The following IQCM variants were observed in gnomAD, a reference collection of about 807,000 sequenced individuals.
The protein encoded by IQCM is IQ motif containing M.
A neutral mutation model predicts 57.6 loss-of-function variants in IQCM; 45 were observed. The observed-to-expected ratio is 0.78, with a 90% CI of 0.62 to 1.00. The LOEUF is 1.00. Among genes scored for constraint, IQCM ranks in the 50% least tolerant of loss-of-function variants. The probability of loss-of-function intolerance (pLI) is 0.00; values close to 1 mark genes in which losing one functional copy is unlikely to be tolerated. For synonymous variants in IQCM, 148 were observed against 158.9 expected (o/e 0.93, Z 0.51); for missense variants, 468 against 511.6 (o/e 0.91, Z 0.82).
At chr4:149,421,221 G>A (rs1284142387) in intron 13 of IQCM, among the ~76,000 whole-genome samples, 3 of 151,982 alleles carry the variant, frequency 2.0e-5, no homozygotes, top group African/African-American at 4.8e-5. Flanking sequence ...ACACTTTAGA[G>A]TATTCGTTAA....
At chr4:149,708,768 A>G (rs192393757) in intron 5 of IQCM, among the ~76,000 whole-genome samples, 1 of 152,018 alleles carries the variant, frequency 6.6e-6, no homozygotes, top group Non-Finnish European at 1.5e-5. Flanking sequence ...TATTTTTTCT[A>G]TGCCTAAAAC....
chr4:149,785,515 A>G (rs1303135957), intron 2 of IQCM, among the ~76,000 whole-genome samples: 1 of 152,190 alleles, frequency 6.6e-6, no homozygotes, highest in Non-Finnish European at 1.5e-5. Context: ...ACTTTGACAA[A>G]GAAAAATAAT....
intron 12 of IQCM, among the ~76,000 whole-genome samples, chr4:149,470,118 T>C (rs1271451420): frequency 6.6e-6 from 1 of 152,126 alleles, no homozygotes; most frequent in African/African-American, 2.4e-5. Flanking sequence ...AATTCACACA[T>C]AGCAATATTA....
intron 12 of IQCM, among the ~76,000 whole-genome samples, chr4:149,481,706 T>TG (rs1385339165): frequency 7.5e-6 from 1 of 133,370 alleles, no homozygotes; most frequent in Non-Finnish European, 1.6e-5. Context: ...GTTTTGTTTT[T>TG]TTTTTTTTTT....
intron 2 of IQCM, among the ~76,000 whole-genome samples, chr4:149,763,641 T>C (rs1394843): frequency 0.32 from 49,160 of 151,986 alleles, 9,718 homozygotes; most frequent in African/African-American, 0.53. Flanking sequence ...TACAGATAAT[T>C]TCAATTTCTT....
chr4:149,558,677 T>C (rs1276301186), intron 10 of IQCM, among the ~76,000 whole-genome samples: 2 of 152,140 alleles, frequency 1.3e-5, no homozygotes, highest in African/African-American at 4.8e-5. Flanking sequence ...AGCAGAGACC[T>C]GAATGAAGTA....
At chr4:149,590,982 T>C (rs1753104529) in intron 8 of IQCM, among the ~76,000 whole-genome samples, 1 of 152,038 alleles carries the variant, frequency 6.6e-6, no homozygotes, top group South Asian at 2.1e-4. Flanking sequence ...CCCAGGCCAA[T>C]GCATTTGGAG....
chr4:149,806,378 T>C (rs1774081131), intron 2 of IQCM, among the ~76,000 whole-genome samples: 1 of 152,020 alleles, frequency 6.6e-6, no homozygotes, highest in African/African-American at 2.4e-5. Flanking sequence ...CAATAACTTG[T>C]TGCTAACTCT....
chr4:149,576,066 G>C (rs1375790283), intron 9 of IQCM, among the ~76,000 whole-genome samples: 1 of 151,766 alleles, frequency 6.6e-6, no homozygotes, highest in Non-Finnish European at 1.5e-5. Flanking sequence ...AAATTAAGTT[G>C]AAACTATCAT....
At chr4:149,815,410 T>C (rs1432439846) in intron 1 of IQCM, 62 bp from the exon 2 acceptor site, 1 of 151,918 alleles carries the variant, frequency 6.6e-6, no homozygotes, top group African/African-American at 2.4e-5. Context: ...AAAAACATTG[T>C]CAACCATATA....
intron 2 of IQCM, among the ~76,000 whole-genome samples, chr4:149,751,013 A>C (rs950488996): frequency 1.3e-5 from 2 of 152,182 alleles, no homozygotes; most frequent in Non-Finnish European, 2.9e-5. Flanking sequence ...AAACTAGCTA[A>C]TATTTACAAG....
chr4:149,650,803 A>C (rs1291134776), intron 7 of IQCM, among the ~76,000 whole-genome samples: 1 of 152,176 alleles, frequency 6.6e-6, no homozygotes, highest in Non-Finnish European at 1.5e-5. Context: ...ACTACCATTT[A>C]ACATAAAAGT....
chr4:149,393,184 T>A (rs531017958), intron 13 of IQCM, among the ~76,000 whole-genome samples: 17 of 151,954 alleles, frequency 1.1e-4, no homozygotes, highest in African/African-American at 3.9e-4. Flanking sequence ...AAAAAATATA[T>A]ACGCATATAT....
At chr4:149,803,597 C>T (rs764915880) in intron 2 of IQCM, among the ~76,000 whole-genome samples, 4 of 152,046 alleles carry the variant, frequency 2.6e-5, no homozygotes, top group African/African-American at 4.8e-5. Flanking sequence ...GTGTGCTTTT[C>T]GCCTTCTAGA....
At chr4:149,648,781 C>G (rs112809407) in intron 7 of IQCM, among the ~76,000 whole-genome samples, 32,245 of 151,908 alleles carry the variant, frequency 0.21, 4,257 homozygotes, top group Non-Finnish European at 0.28. Context: ...ATAGCATTAG[C>G]AGATATACCT....
rs534076717 is a variant in IQCM at position 149,418,526 on chromosome 4, T to C, written c.1390+14870A>G. On this transcript the variant is annotated intron_variant, in intron 13 of 13. Coordinates refer to ENST00000636793, the MANE Select transcript of IQCM (RefSeq NM_001363507.2). ...TACCAGAAATACCAAGAGGAGCTGA[T>C]ACCCTTTCTTCTGAAACTACTCCAA... Among the ~76,000 whole-genome samples, 12 of 152,242 alleles carry C rather than the reference T, an allele frequency of 7.9e-5. 2 individuals are homozygous for C. Among genetic ancestry groups the C allele is most frequent in the African/African-American group, 2.9e-4 (12 of 41,568 alleles).
intron 12 of IQCM, among the ~76,000 whole-genome samples, chr4:149,471,446 T>A (rs1011308841): frequency 1.3e-5 from 2 of 152,036 alleles, no homozygotes; most frequent in Admixed American, 1.3e-4. Context: ...AATAGACCAA[T>A]AACAGGTTCT....
intron 5 of IQCM, among the ~76,000 whole-genome samples, chr4:149,725,152 T>C (rs1765782478): frequency 6.6e-6 from 1 of 152,206 alleles, no homozygotes; most frequent in African/African-American, 2.4e-5. Flanking sequence ...TTTAAGTTGA[T>C]ATCCTTGGAT....
Position 149,675,256 on chromosome 4 carries a change from ATTAC to A in IQCM, c.565+6858_565+6861del, listed in dbSNP as rs558899661. Among the ~76,000 whole-genome samples the A allele has an allele frequency of 5.8e-3, 885 of 152,188 alleles. 5 individuals carry two copies. Among genetic ancestry groups the A allele is most frequent in the Non-Finnish European group, 9.1e-3 (616 of 67,994 alleles). Reference sequence around the variant, plus strand: ...TGCAAGAATAGATACAAATCAATAGATTACTATAAGGAGAGGATATAGTTTGATG... The same window carrying A: ...TGCAAGAATAGATACAAATCAATAGATATAAGGAGAGGATATAGTTTGATG... On this transcript the variant is annotated intron_variant, in intron 7 of 13. Transcript: ENST00000636793.
Sources: gnomAD v4.1 joint callset for allele counts (sites outside exome capture counted in the v4.1 genomes callset) on GRCh38, gnomAD v4.1.1 for gene constraint, MANE v1.5 for transcripts, NCBI Gene and HGNC (gene_info 2026-07-23, HGNC 2026-07-21) for gene names.